FTSJ1: variants seen among roughly 807,000 people sequenced by gnomAD.
The protein encoded by FTSJ1 is tRNA (cytidine(32)/guanosine(34)-2'-O)-methyltransferase.
A neutral mutation model predicts 28.5 loss-of-function variants in FTSJ1; 3 were observed. The ratio of observed to expected loss-of-function variants is 0.11; its 90% CI spans 0.05 to 0.27. The LOEUF (loss-of-function observed/expected upper bound fraction) is 0.27, where lower values mean the gene tolerates loss of function less well. Ranked by LOEUF, FTSJ1 falls within the 10% of genes least tolerant of loss-of-function variation. FTSJ1 has a pLI of 1.00. For missense variants in FTSJ1, 162 were observed against 279.0 expected, an observed-to-expected ratio of 0.58 and a Z score of 2.99; for synonymous variants, 104 against 113.9, an observed-to-expected ratio of 0.91 and a Z score of 0.55.
Position 48,481,345 on chromosome X carries a change from A to G in FTSJ1, c.468+3A>G, listed in dbSNP as rs2061567299. The G allele has an allele frequency of 1.7e-6, 2 of 1,207,686 alleles. No individual in the cohort carries two copies. The highest frequency in any genetic ancestry group is 2.2e-6 in the Non-Finnish European group (2 of 892,370). ...CAGGGGGCTGCTTTGTGGCCAAGGT[A>G]AGTCTCAAGGAACTTGGTGGAGTAG... is the stretch of plus-strand genomic sequence containing the variant. On this transcript the variant is annotated splice_donor_region_variant and intron_variant, in intron 7 of 12. Coordinates refer to ENST00000348411, the MANE Select transcript of FTSJ1 (RefSeq NM_012280.4).
At position 48,476,902 on chromosome X, in the gene FTSJ1, G is replaced by A. The variant is rs782601649; in HGVS notation, c.-88+506G>A. Reference sequence around the variant, plus strand: ...TTGATGGAGGTATGATATTCAACGGGTTAATGGAAAGTGATGGGGCATCGT... The same window carrying A: ...TTGATGGAGGTATGATATTCAACGGATTAATGGAAAGTGATGGGGCATCGT... On this transcript the variant is annotated intron_variant, in intron 1 of 12. Transcript: ENST00000348411. Among the ~76,000 whole-genome samples the A allele has an allele frequency of 3.6e-5, 4 of 111,074 alleles. No homozygotes were observed. In the East Asian group the frequency reaches 1.1e-3, roughly 32 times the overall value.
In FTSJ1 at chrX:48,478,619, G is replaced by T. The variant is rs782001384; in HGVS notation, c.194G>T (p.Gly65Val). ...WSQVLSQKIG[G>V]QGSGHVVAVD... is the part of the protein sequence containing the mutation. The stretch of plus-strand genomic sequence containing the variant: ...GATGTGGGCCATGTTGTCCACAGGG[G>T]CCAAGGGTCCGGCCACGTGGTGGCT... Residue 65 changes from glycine to valine, a missense_variant and splice_region_variant, in exon 4 of 13, where the codon GGC (glycine) becomes GTC (valine). Gly to Val is a moderately radical substitution (Grantham distance 109). Transcript: ENST00000348411. The T allele has an allele frequency of 1.7e-6, 2 of 1,205,851 alleles. No homozygotes were observed. The highest frequency in any genetic ancestry group is 2.2e-5 in the Admixed American group (1 of 45,669).
intron 9 of FTSJ1, 105 bp downstream of exon 9, chrX:48,481,820 C>A: frequency 1.8e-6 from 1 of 569,118 alleles, no homozygotes; most frequent in Non-Finnish European, 3.1e-6. Context: ...GCTCTGTCCC[C>A]TCATGGGAAT....
rs1556968898 is a variant in FTSJ1, at chrX:48,482,392, C to G, written c.656-11C>G. 2.6e-6 allele frequency: 3 copies of G among 1,164,977 alleles called. No homozygotes were observed. Among genetic ancestry groups the G allele is most frequent in the South Asian group, 3.6e-5 (2 of 55,487 alleles). On this transcript the variant is annotated splice_polypyrimidine_tract_variant and intron_variant, in intron 9 of 12. Coordinates refer to ENST00000348411, the MANE Select transcript of FTSJ1 (RefSeq NM_012280.4). ...TGACCTTGTCCTCAGTTGTCTCCCC[C>G]TGTTCCTAAGACCCAGATTTCAACC... is the stretch of plus-strand genomic sequence containing the variant.
At chrX:48,483,105 ATT>A in intron 12 of FTSJ1, 78 bp downstream of exon 12, 1 of 752,546 alleles carries the variant, frequency 1.3e-6, no homozygotes, top group Non-Finnish European at 2.1e-6. Context: ...CACCTTTGAA[ATT>A]TTTATGTCAA....
At chrX:48,478,279 T>C (rs1274687537) in intron 2 of FTSJ1, 111 bp downstream of exon 2, 2 of 886,509 alleles carry the variant, frequency 2.3e-6, no homozygotes, top group Admixed American at 2.6e-5. Context: ...AGAGGGTCTC[T>C]GGGGCAGGGA....
At chrX:48,479,898 C>T (rs896415290) in intron 5 of FTSJ1, among the ~76,000 whole-genome samples, 9 of 111,091 alleles carry the variant, frequency 8.1e-5, no homozygotes, top group Non-Finnish European at 1.3e-4. Context: ...AATCCCAGCA[C>T]TTTGGGAGGC....
intron 12 of FTSJ1, among the ~76,000 whole-genome samples, chrX:48,484,791 A>C (rs368398452): frequency 1.8e-5 from 2 of 112,574 alleles, no homozygotes; most frequent in South Asian, 7.2e-4. Flanking sequence ...AAGGAAAAAC[A>C]TGAGAGTGGC....
At chrX:48,482,838 G>T in intron 11 of FTSJ1, 44 bp downstream of exon 11, 2 of 1,205,482 alleles carry the variant, frequency 1.7e-6, no homozygotes, top group Non-Finnish European at 1.1e-6. Context: ...CCTTCCCCGT[G>T]TGCCTTTTTC....
intron 5 of FTSJ1, among the ~76,000 whole-genome samples, chrX:48,479,367 C>G (rs1351880273): frequency 4.4e-5 from 5 of 112,482 alleles, no homozygotes; most frequent in African/African-American, 1.6e-4. Flanking sequence ...CTGCTCTCAT[C>G]TCTCTGCAAC....
chrX:48,479,149 G>A lies in FTSJ1; in HGVS notation c.361+33G>A, dbSNP rs781784847. Reference sequence around the variant, plus strand: ...GCAACAGAAAGTGGGAGGCCAGGCGGGGCCCCCTGTGTGTGTCCTTCTCTG... The same window carrying A: ...GCAACAGAAAGTGGGAGGCCAGGCGAGGCCCCCTGTGTGTGTCCTTCTCTG... On this transcript the variant is annotated intron_variant, in intron 5 of 12. Transcript: ENST00000348411. 13 of 1,020,199 alleles carry A rather than the reference G, an allele frequency of 1.3e-5. No homozygotes were observed. The Middle Eastern group carries it at 7.6e-4, about 60-fold the overall frequency. 84.1% of individuals were successfully genotyped at this position (1,020,199 alleles called of 1,213,427 possible). A position where few individuals can be genotyped will look rare whatever the true frequency, so the allele number is the denominator to read the frequency against.
rs900943291 is a variant in FTSJ1, at chrX:48,481,285, A to G, written c.415-4A>G. On this transcript the variant is annotated splice_region_variant and splice_polypyrimidine_tract_variant and intron_variant, in intron 6 of 12. Coordinates refer to ENST00000348411, the MANE Select transcript of FTSJ1 (RefSeq NM_012280.4). ...TCAGCCTCAGCCGTCTGTCCTGCCC[A>G]CAGGCTCTGAACATTGCTACACATG... is the stretch of plus-strand genomic sequence containing the variant. 9 of 1,208,655 alleles carry G rather than the reference A, an allele frequency of 7.4e-6. No individual in the cohort carries two copies. The highest frequency in any genetic ancestry group is 1.0e-5 in the Non-Finnish European group (9 of 893,659).
chrX:48,480,418 A>AGG (rs1399809802), intron 5 of FTSJ1, among the ~76,000 whole-genome samples: 1 of 110,039 alleles, frequency 9.1e-6, no homozygotes, highest in East Asian at 2.9e-4. Context: ...GAACAGAGTG[A>AGG]GGGGGGGAGA....
At chrX:48,479,245 C>T (rs1469874417) in intron 5 of FTSJ1, 129 bp downstream of exon 5, 7 of 499,696 alleles carry the variant, frequency 1.4e-5, no homozygotes. Flanking sequence ...ACTCAGCTTT[C>T]TCCCACATCT....
At position 48,482,506 on chromosome X, in the gene FTSJ1, C is replaced by A; in HGVS notation, c.759C>A (p.Asp253Glu). ...ATTCGGACCGCAGTTACCCACTGGA[C>A]GTGAGTGCCCAACCAACAGTAGGTG... is the stretch of plus-strand genomic sequence containing the variant. ...SYDSDRSYPL[D>E]LEGGSEYKYT... Residue 253 changes from aspartate (D) to glutamate (E), a missense_variant and splice_region_variant, in exon 10 of 13, where the codon GAC becomes GAA. Asp to Glu is a conservative substitution (Grantham distance 45). Transcript: ENST00000348411. The A allele has an allele frequency of 8.4e-7, 1 of 1,191,401 alleles. No individual in the cohort carries two copies. Among genetic ancestry groups the A allele is most frequent in the Non-Finnish European group, 1.1e-6 (1 of 878,055 alleles).
chrX:48,480,144 CA>C (rs1183107599), intron 5 of FTSJ1, among the ~76,000 whole-genome samples: 8 of 100,260 alleles, frequency 8.0e-5, no homozygotes, highest in East Asian at 6.2e-4. Context: ...AACTCCGTCT[CA>C]AAAAAAAAAG....
intron 5 of FTSJ1, among the ~76,000 whole-genome samples, chrX:48,480,807 TG>T (rs2061563907): frequency 9.0e-6 from 1 of 110,549 alleles, no homozygotes; most frequent in Non-Finnish European, 1.9e-5. Flanking sequence ...TCAGATGAGA[TG>T]GGGAGGATGG....
At chrX:48,483,378 T>A (rs1408615296) in intron 12 of FTSJ1, 1 of 186,540 alleles carries the variant, frequency 5.4e-6, no homozygotes, top group Non-Finnish European at 9.8e-6. Context: ...ATATACTATA[T>A]AGCTTGCATT....
chrX:48,482,914 T>C, intron 11 of FTSJ1, 72 bp from the exon 12 acceptor site: 1 of 1,209,331 alleles, frequency 8.3e-7, no homozygotes, highest in Non-Finnish European at 1.1e-6. Flanking sequence ...CTATAAAAAA[T>C]TGGTAAAGCC....
Sources: allele counts gnomAD v4.1 joint callset (sites outside exome capture counted in the v4.1 genomes callset), GRCh38; gene constraint gnomAD v4.1.1; transcripts MANE v1.5; gene names NCBI Gene and HGNC (gene_info 2026-07-23, HGNC 2026-07-21).